Variants in PTPRD observed in about 807,000 individuals in gnomAD.
The protein encoded by PTPRD is receptor-type tyrosine-protein phosphatase delta.
Under a neutral mutation model 214.5 loss-of-function variants are expected in PTPRD, and 34 were observed. The ratio of observed to expected loss-of-function variants is 0.16; its 90% CI spans 0.12 to 0.21. The LOEUF is 0.21. PTPRD is among the 10% of genes least tolerant of loss of function. PTPRD has a pLI of 1.00. For missense variants in PTPRD, 2,545 were observed against 2,398.7 expected (o/e 1.06, Z -1.27); for synonymous variants, 1,128 against 845.7 (o/e 1.33, Z -5.79).
At chr9:8,410,182 T>G (rs1366652743) in intron 35 of PTPRD, among the ~76,000 whole-genome samples, 1 of 152,244 alleles carries the variant, frequency 6.6e-6, no homozygotes, top group African/African-American at 2.4e-5. Context: ...GGCTATATTT[T>G]GCACAATTAG....
intron 5 of PTPRD, among the ~76,000 whole-genome samples, chr9:9,805,210 G>A (rs1247630014): frequency 2.6e-5 from 4 of 152,108 alleles, no homozygotes; most frequent in Non-Finnish European, 4.4e-5. Context: ...CCAAATGAAT[G>A]ATGTTAACAA....
intron 22 of PTPRD, among the ~76,000 whole-genome samples, chr9:8,506,173 G>A (rs1386270981): frequency 6.6e-6 from 1 of 152,156 alleles, no homozygotes; most frequent in Non-Finnish European, 1.5e-5. Flanking sequence ...TTAATTGAGA[G>A]TAGTTCATTT....
chr9:9,255,291 C>T (rs554302087), intron 9 of PTPRD, among the ~76,000 whole-genome samples: 11 of 152,134 alleles, frequency 7.2e-5, no homozygotes, highest in Admixed American at 7.2e-4. Flanking sequence ...TGACCTATCT[C>T]AAGGACTGAC....
chr9:9,077,291 A>C (rs540848125), intron 10 of PTPRD, among the ~76,000 whole-genome samples: 1 of 151,992 alleles, frequency 6.6e-6, no homozygotes, highest in South Asian at 2.1e-4. Flanking sequence ...GAATGTTTCA[A>C]AGATGGTTTT....
intron 2 of PTPRD, among the ~76,000 whole-genome samples, chr9:10,526,227 C>A (rs771459477): frequency 3.3e-5 from 5 of 152,044 alleles, no homozygotes. Context: ...AGATGAAGTT[C>A]TGTTGAGAAA....
chr9:10,402,859 C>G (rs1462677132), intron 2 of PTPRD, among the ~76,000 whole-genome samples: 1 of 151,524 alleles, frequency 6.6e-6, no homozygotes, highest in Non-Finnish European at 1.5e-5. Context: ...TCTTTATTGC[C>G]TTGAAGCCTA....
chr9:9,371,554 A>G (rs1450067329), intron 9 of PTPRD, among the ~76,000 whole-genome samples: 1 of 152,090 alleles, frequency 6.6e-6, no homozygotes, highest in Non-Finnish European at 1.5e-5. Context: ...TGATCTTTTC[A>G]AAAAACCAGC....
chr9:10,016,074 A>T (rs554318290), intron 4 of PTPRD, among the ~76,000 whole-genome samples: 1 of 152,298 alleles, frequency 6.6e-6, no homozygotes, highest in South Asian at 2.1e-4. Context: ...GAACCTGGAA[A>T]TATACTGGCT....
At chr9:8,925,093 C>T (rs1264410714) in intron 11 of PTPRD, among the ~76,000 whole-genome samples, 2 of 152,170 alleles carry the variant, frequency 1.3e-5, no homozygotes, top group Non-Finnish European at 2.9e-5. Flanking sequence ...TGTTGGTACT[C>T]TCCCAGGTTT....
At chr9:9,127,490 G>T (rs368033492) in intron 10 of PTPRD, among the ~76,000 whole-genome samples, 1 of 152,174 alleles carries the variant, frequency 6.6e-6, no homozygotes, top group Non-Finnish European at 1.5e-5. Flanking sequence ...GACAGAAGGG[G>T]TCCTTAGGCA....
At chr9:9,422,302 C>T (rs2079110263) in intron 8 of PTPRD, among the ~76,000 whole-genome samples, 1 of 152,080 alleles carries the variant, frequency 6.6e-6, no homozygotes, top group African/African-American at 2.4e-5. Flanking sequence ...ATTCTTGGTT[C>T]TTAGCCATTA....
intron 9 of PTPRD, among the ~76,000 whole-genome samples, chr9:9,197,480 T>G (rs763153918): frequency 7.3e-6 from 1 of 136,930 alleles, no homozygotes; most frequent in Non-Finnish European, 1.5e-5. Context: ...GCGCAATCTT[T>G]GCTCACTGCA....
At chr9:10,070,431 T>C (rs930171039) in intron 3 of PTPRD, among the ~76,000 whole-genome samples, 1 of 152,056 alleles carries the variant, frequency 6.6e-6, no homozygotes, top group African/African-American at 2.4e-5. Context: ...AGCATCTTTG[T>C]AGCATTGAGA....
At chr9:9,490,398 C>T (rs922735923) in intron 8 of PTPRD, among the ~76,000 whole-genome samples, 3 of 151,982 alleles carry the variant, frequency 2.0e-5, no homozygotes, top group African/African-American at 7.2e-5. Context: ...TTGTATTTGT[C>T]GCTTTCCACA....
chr9:9,106,085 C>T (rs1423570151), intron 10 of PTPRD, among the ~76,000 whole-genome samples: 4 of 152,110 alleles, frequency 2.6e-5, no homozygotes, highest in Admixed American at 6.6e-5. Flanking sequence ...AACATGGCAA[C>T]TACAACTACA....
chr9:10,236,992 A>G (rs943142586), intron 3 of PTPRD, among the ~76,000 whole-genome samples: 4 of 151,950 alleles, frequency 2.6e-5, no homozygotes, highest in Non-Finnish European at 5.9e-5. Context: ...AATATTCTGT[A>G]TGATACAATA....
chr9:8,403,313 A>G (rs1406130083), intron 36 of PTPRD, among the ~76,000 whole-genome samples: 2 of 152,216 alleles, frequency 1.3e-5, no homozygotes, highest in African/African-American at 2.4e-5. Context: ...TGAAGCTACT[A>G]TAATTTATTT....
At chr9:8,528,407 G>C (rs1026978787) in intron 15 of PTPRD, 184 bp downstream of exon 15, 3 of 657,822 alleles carry the variant, frequency 4.6e-6, no homozygotes, top group South Asian at 3.7e-5. Flanking sequence ...AAAGGAGAAA[G>C]ACAGACTCTG....
chr9:10,267,835 G>T (rs1211785072), intron 3 of PTPRD, among the ~76,000 whole-genome samples: 1 of 152,010 alleles, frequency 6.6e-6, no homozygotes, highest in African/African-American at 2.4e-5. Context: ...TAAAATTTTG[G>T]AATAGTTTCT....
Sources: gnomAD v4.1 joint callset for allele counts (sites outside exome capture counted in the v4.1 genomes callset) on GRCh38, gnomAD v4.1.1 for gene constraint, MANE v1.5 for transcripts, NCBI Gene and HGNC (gene_info 2026-07-23, HGNC 2026-07-21) for gene names.